KCNN2: variants seen among roughly 807,000 people sequenced by gnomAD.
KCNN2 encodes the protein potassium calcium-activated channel subfamily N member 2.
Under a neutral mutation model 55.5 loss-of-function variants are expected in KCNN2, and 24 were observed. The observed-to-expected ratio is 0.43, with a 90% confidence interval of 0.31 to 0.61. The LOEUF (loss-of-function observed/expected upper bound fraction) is 0.61, where lower values mean the gene tolerates loss of function less well. Ranked by LOEUF, KCNN2 falls within the 20% of genes least tolerant of loss-of-function variation. The pLI, the probability that KCNN2 is intolerant of heterozygous loss-of-function variation, is 0.08. For missense variants in KCNN2, 754 were observed against 853.6 expected, an observed-to-expected ratio of 0.88 and a Z score of 1.45; for synonymous variants, 431 against 336.1, an observed-to-expected ratio of 1.28 and a Z score of -3.09.
At chr5:114,143,070 G>A (rs545428512) in intron 1 of KCNN2, among the ~76,000 whole-genome samples, 2 of 152,118 alleles carry the variant, frequency 1.3e-5, no homozygotes, top group South Asian at 4.2e-4. Flanking sequence ...CTGGGTCCAG[G>A]GGGGTCACCG....
intron 2 of KCNN2, among the ~76,000 whole-genome samples, chr5:114,342,197 G>A (rs1269067966): frequency 1.5e-5 from 2 of 132,092 alleles, no homozygotes; most frequent in East Asian, 3.8e-4. Context: ...CACTGTGCCC[G>A]GCCCATAATT....
At chr5:114,227,328 T>G (rs556681081) in intron 2 of KCNN2, among the ~76,000 whole-genome samples, 1 of 152,274 alleles carries the variant, frequency 6.6e-6, no homozygotes, top group East Asian at 1.9e-4. Context: ...CAAGTTGTAT[T>G]TACTCTTCAA....
chr5:114,191,729 A>G (rs1211784773), intron 1 of KCNN2, among the ~76,000 whole-genome samples: 1 of 152,096 alleles, frequency 6.6e-6, no homozygotes, highest in Non-Finnish European at 1.5e-5. Flanking sequence ...TGATAGAAAG[A>G]CCATATTATG....
At chr5:114,301,938 A>T (rs566092795) in intron 2 of KCNN2, among the ~76,000 whole-genome samples, 1 of 152,336 alleles carries the variant, frequency 6.6e-6, no homozygotes, top group East Asian at 1.9e-4. Context: ...AATCCTTGCG[A>T]GATATGAATT....
chr5:114,219,925 G>A, intron 1 of KCNN2, among the ~76,000 whole-genome samples: 1 of 152,230 alleles, frequency 6.6e-6, no homozygotes, highest in East Asian at 1.9e-4. Flanking sequence ...TTCTGTGAGG[G>A]CCAGACAGTA....
At chr5:114,143,485 G>A (rs1752331796) in intron 1 of KCNN2, among the ~76,000 whole-genome samples, 1 of 152,100 alleles carries the variant, frequency 6.6e-6, no homozygotes, top group Non-Finnish European at 1.5e-5. Context: ...AGGCCTAAAA[G>A]AGCCATGGCA....
chr5:114,113,742 G>A (rs150786479), intron 1 of KCNN2, among the ~76,000 whole-genome samples: 1 of 152,208 alleles, frequency 6.6e-6, no homozygotes, highest in East Asian at 1.9e-4. Flanking sequence ...GAAGATCCAG[G>A]TTATTTTAGT....
At chr5:114,272,523 C>G (rs1755376139) in intron 2 of KCNN2, among the ~76,000 whole-genome samples, 1 of 151,972 alleles carries the variant, frequency 6.6e-6, no homozygotes, top group African/African-American at 2.4e-5. Context: ...CACACACAAA[C>G]TCACACAATT....
intron 2 of KCNN2, among the ~76,000 whole-genome samples, chr5:114,376,233 A>G (rs1757937127): frequency 6.6e-6 from 1 of 152,086 alleles, no homozygotes; most frequent in Non-Finnish European, 1.5e-5. Flanking sequence ...AATGTGTCTT[A>G]TACAAGTAGC....
chr5:114,211,804 C>T (rs116022537), intron 1 of KCNN2, among the ~76,000 whole-genome samples: 363 of 152,066 alleles, frequency 2.4e-3, no homozygotes, highest in Middle Eastern at 6.8e-3. Context: ...TACCTTATTT[C>T]TATCCTTACT....
At chr5:114,320,545 T>G (rs1373167839) in intron 2 of KCNN2, among the ~76,000 whole-genome samples, 2 of 145,886 alleles carry the variant, frequency 1.4e-5, no homozygotes, top group Admixed American at 7.0e-5. Flanking sequence ...ACCCGGGAGG[T>G]GGAGCTGGCA....
intron 1 of KCNN2, among the ~76,000 whole-genome samples, chr5:114,147,958 T>TA (rs1752433734): frequency 6.6e-6 from 1 of 152,160 alleles, no homozygotes; most frequent in Non-Finnish European, 1.5e-5. Context: ...AATTCATCTT[T>TA]AGTAGGAGCA....
chr5:114,078,803 G>A (rs1750736877), intron 1 of KCNN2, among the ~76,000 whole-genome samples: 1 of 152,178 alleles, frequency 6.6e-6, no homozygotes, highest in African/African-American at 2.4e-5. Flanking sequence ...CATACTGCCA[G>A]AGGTTTAGTA....
At chr5:114,331,012 C>A (rs942143241) in intron 2 of KCNN2, among the ~76,000 whole-genome samples, 1 of 152,166 alleles carries the variant, frequency 6.6e-6, no homozygotes, top group Admixed American at 6.6e-5. Flanking sequence ...TGAATGAACT[C>A]CTTGCTACAT....
rs564091733 is a variant in KCNN2, at chr5:114,451,635, G to A, written c.1638-11414G>A. Among the ~76,000 whole-genome samples the A allele has an allele frequency of 3.3e-5, 5 of 152,276 alleles. No homozygotes were observed. The East Asian group carries it at 9.7e-4, about 29-fold the overall frequency. ...TTCAAGGCTGGAGGCGGTGGCTCAA[G>A]CCTGTAATCCCAGCACTTTGGGAGG... On this transcript the variant is annotated intron_variant, in intron 3 of 7. Coordinates refer to ENST00000673685, the MANE Select transcript of KCNN2 (RefSeq NM_021614.4).
At chr5:114,369,617 A>G (rs544655435) in intron 2 of KCNN2, among the ~76,000 whole-genome samples, 9 of 152,290 alleles carry the variant, frequency 5.9e-5, no homozygotes, top group East Asian at 1.9e-4. Context: ...ACTGATGTCT[A>G]TATTGCCAGC....
intron 1 of KCNN2, among the ~76,000 whole-genome samples, chr5:114,118,644 G>A (rs1751766862): frequency 6.6e-6 from 1 of 152,008 alleles, no homozygotes; most frequent in Admixed American, 6.6e-5. Flanking sequence ...GTCTTATCAA[G>A]TATGCTGATT....
chr5:114,144,271 C>A (rs1357488100), intron 1 of KCNN2, among the ~76,000 whole-genome samples: 1 of 152,150 alleles, frequency 6.6e-6, no homozygotes, highest in African/African-American at 2.4e-5. Context: ...ATAATTCTAT[C>A]TCCCATCCAT....
intron 4 of KCNN2, among the ~76,000 whole-genome samples, chr5:114,471,008 A>G (rs1561404618): frequency 6.6e-6 from 1 of 152,340 alleles, no homozygotes; most frequent in Admixed American, 6.5e-5. Flanking sequence ...CAGTTACACA[A>G]TAGGGACAAT....
Sources: allele counts gnomAD v4.1 joint callset (sites outside exome capture counted in the v4.1 genomes callset), GRCh38; gene constraint gnomAD v4.1.1; transcripts MANE v1.5; gene names NCBI Gene and HGNC (gene_info 2026-07-23, HGNC 2026-07-21).